Variants in ARHGAP29 observed in about 807,000 individuals in gnomAD.
The protein encoded by ARHGAP29 is Rho GTPase activating protein 29.
A neutral mutation model predicts 122.6 loss-of-function variants in ARHGAP29; 43 were observed. The ratio of observed to expected loss-of-function variants is 0.35; its 90% CI spans 0.27 to 0.45. The LOEUF is 0.45. ARHGAP29 is among the 20% of genes least tolerant of loss of function. The pLI is 1.00. For missense variants in ARHGAP29, 1,303 were observed against 1,477.2 expected, an observed-to-expected ratio of 0.88 and a Z score of 1.93; for synonymous variants, 506 against 497.1, an observed-to-expected ratio of 1.02 and a Z score of -0.24.
At chr1:94,259,869 G>A (rs1294450116) in intron 1 of ARHGAP29, among the ~76,000 whole-genome samples, 1 of 152,194 alleles carries the variant, frequency 6.6e-6, no homozygotes, top group African/African-American at 2.4e-5. Flanking sequence ...AATCTGTGTT[G>A]GAAGTTTAAA....
chr1:94,310,130 G>A, the ARHGAP29 span, among the ~76,000 whole-genome samples: 6 of 152,078 alleles, frequency 3.9e-5, no homozygotes, highest in South Asian at 4.1e-4. Context: ...ATTTAATATC[G>A]GTACACATGA....
upstream of ARHGAP29, among the ~76,000 whole-genome samples, chr1:94,238,360 T>C (rs765897584): frequency 6.6e-6 from 1 of 152,010 alleles, no homozygotes; most frequent in Non-Finnish European, 1.5e-5. Context: ...TGAGCCACTG[T>C]GCCCGGTCCT....
intron 1 of ARHGAP29, among the ~76,000 whole-genome samples, chr1:94,261,610 A>G (rs993170728): frequency 1.4e-4 from 21 of 152,188 alleles, no homozygotes; most frequent in Admixed American, 5.9e-4. Context: ...TTCGCCAACA[A>G]CAGTCAAGCT....
At chr1:94,302,203 T>C in the ARHGAP29 span, 3 of 264,082 alleles carry the variant, frequency 1.1e-5, no homozygotes, top group South Asian at 1.4e-4. Flanking sequence ...CCACAGCAAG[T>C]TCCACTGCAC....
upstream of ARHGAP29, among the ~76,000 whole-genome samples, chr1:94,240,814 T>C (rs1653544768): frequency 6.6e-6 from 1 of 152,214 alleles, no homozygotes. Flanking sequence ...CTCTTCAAAA[T>C]GTTTGTGGTA....
At chr1:94,244,134 C>G (rs1366348065) in intron 1 of ARHGAP29, among the ~76,000 whole-genome samples, 1 of 150,864 alleles carries the variant, frequency 6.6e-6, no homozygotes, top group Admixed American at 6.6e-5. Flanking sequence ...ATACAGGAGA[C>G]AAGAACACTT....
chr1:94,259,921 A>G (rs1488984110), intron 1 of ARHGAP29, among the ~76,000 whole-genome samples: 2 of 152,176 alleles, frequency 1.3e-5, no homozygotes. Flanking sequence ...GCATTTTCTG[A>G]CTCACTGTTG....
At chr1:94,293,142 T>C in the ARHGAP29 span, among the ~76,000 whole-genome samples, 1 of 152,218 alleles carries the variant, frequency 6.6e-6, no homozygotes, top group Non-Finnish European at 1.5e-5. Flanking sequence ...TGCCGCTTTG[T>C]TTACACTGTG....
chr1:94,196,787 C>A (rs980915107), intron 12 of ARHGAP29, among the ~76,000 whole-genome samples: 7 of 152,082 alleles, frequency 4.6e-5, no homozygotes, highest in Admixed American at 1.3e-4. Context: ...ACATTATCCA[C>A]AGATCAAAGA....
At chr1:94,283,454 A>T in the ARHGAP29 span, among the ~76,000 whole-genome samples, 2 of 152,218 alleles carry the variant, frequency 1.3e-5, no homozygotes, top group Non-Finnish European at 2.9e-5. Context: ...GACTTATTTT[A>T]AAATGCCCCC....
chr1:94,257,512 A>G (rs1256423045), intron 1 of ARHGAP29, among the ~76,000 whole-genome samples: 1 of 152,182 alleles, frequency 6.6e-6, no homozygotes, highest in Non-Finnish European at 1.5e-5. Context: ...TTTTGAGACC[A>G]GCCTGGGCAA....
the ARHGAP29 span, among the ~76,000 whole-genome samples, chr1:94,294,381 C>T: frequency 6.6e-6 from 1 of 152,092 alleles, no homozygotes; most frequent in African/African-American, 2.4e-5. Flanking sequence ...GTGGCCCACT[C>T]TAGCCTCCAT....
intron 2 of ARHGAP29, among the ~76,000 whole-genome samples, chr1:94,224,293 T>C (rs1013587855): frequency 2.0e-5 from 3 of 152,196 alleles, no homozygotes; most frequent in African/African-American, 7.2e-5. Flanking sequence ...TAATAAATGT[T>C]AGTCTTAGAA....
intron 3 of ARHGAP29, among the ~76,000 whole-genome samples, chr1:94,212,553 T>C (rs143360867): frequency 1.3e-5 from 2 of 152,320 alleles, no homozygotes; most frequent in African/African-American, 4.8e-5. Flanking sequence ...TATAACCCTA[T>C]CCAAAATTGT....
At chr1:94,253,344 C>A (rs1654183172) in intron 1 of ARHGAP29, among the ~76,000 whole-genome samples, 1 of 152,152 alleles carries the variant, frequency 6.6e-6, no homozygotes, top group African/African-American at 2.4e-5. Flanking sequence ...CCTGACTAGA[C>A]TGGAACCAAG....
At chr1:94,307,703 G>T in the ARHGAP29 span, among the ~76,000 whole-genome samples, 9 of 152,106 alleles carry the variant, frequency 5.9e-5, no homozygotes, top group Non-Finnish European at 1.3e-4. Context: ...TTAACAAATG[G>T]TGTTGAAAAG....
the ARHGAP29 span, among the ~76,000 whole-genome samples, chr1:94,288,885 GT>G: frequency 2.0e-5 from 3 of 152,210 alleles, no homozygotes; most frequent in African/African-American, 7.2e-5. Context: ...GTACCATGCT[GT>G]TTTGGTTACT....
rs1648929269 is a variant in ARHGAP29 at position 94,174,103 on chromosome 1, A to G, written c.3552T>C (p.Ala1184=). ...CAGGAGGCACTGCTGCTGAGGGTGA[A>G]GCTGGCTTCTCCTCATTCCCCCTGA... The part of the protein sequence containing the change: ...ISIRGNEEKP[A]SPSAAVPPGT... Residue 1184 remains alanine (A), a synonymous_variant, in exon 23 of 23, where the codon GCT becomes GCC. Coordinates refer to ENST00000260526, the MANE Select transcript of ARHGAP29 (RefSeq NM_004815.4). The G allele has an allele frequency of 6.2e-7, 1 of 1,614,062 alleles. No individual in the cohort carries two copies. The highest frequency in any genetic ancestry group is 1.3e-5 in the African/African-American group (1 of 74,934).
At chr1:94,178,198 G>A (rs1026285253) in intron 20 of ARHGAP29, 31 bp from the exon 21 acceptor site, 122 of 1,574,794 alleles carry the variant, frequency 7.7e-5, no homozygotes, top group Non-Finnish European at 1.0e-4. Flanking sequence ...AGTTGTATGA[G>A]ATTTTCCTAT....
Sources: gnomAD v4.1 joint callset for allele counts (sites outside exome capture counted in the v4.1 genomes callset) on GRCh38, gnomAD v4.1.1 for gene constraint, MANE v1.5 for transcripts, NCBI Gene and HGNC (gene_info 2026-07-23, HGNC 2026-07-21) for gene names.